Variants in PCDHGA6 observed in about 807,000 individuals in gnomAD.
PCDHGA6 encodes the protein protocadherin gamma subfamily A, 6.
Under a neutral mutation model 60.6 loss-of-function variants are expected in PCDHGA6, and 41 were observed. The ratio of observed to expected loss-of-function variants is 0.68; its 90% CI spans 0.53 to 0.88. PCDHGA6 has a LOEUF of 0.88. PCDHGA6 is among the 40% of genes least tolerant of loss of function. The pLI is 0.00. For synonymous variants in PCDHGA6, 594 were observed against 524.4 expected (o/e 1.13, Z -1.81); for missense variants, 1,312 against 1,203.0 (o/e 1.09, Z -1.34).
chr5:141,470,708 A>T (rs1293545270), intron 1 of PCDHGA6, among the ~76,000 whole-genome samples: 1 of 151,804 alleles, frequency 6.6e-6, no homozygotes. Flanking sequence ...TTTTTATTTT[A>T]TTTTTTTGAG....
At chr5:141,482,089 CAA>C (rs36035257) in intron 1 of PCDHGA6, among the ~76,000 whole-genome samples, 9,071 of 134,384 alleles carry the variant, frequency 0.068, 318 homozygotes, top group South Asian at 0.13. Context: ...CACTCCATCT[CAA>C]AAAAAAAAAA....
intron 1 of PCDHGA6, chr5:141,414,397 T>C: frequency 6.2e-7 from 1 of 1,613,920 alleles, no homozygotes; most frequent in Middle Eastern, 1.6e-4. Context: ...TTATTACAGA[T>C]TGGTGATACA....
intron 1 of PCDHGA6, among the ~76,000 whole-genome samples, chr5:141,484,170 A>G (rs962978452): frequency 6.6e-6 from 1 of 152,210 alleles, no homozygotes; most frequent in Non-Finnish European, 1.5e-5. Context: ...TTGGTAGCTG[A>G]TCTCAATCAT....
chr5:141,404,103 G>C lies in PCDHGA6; in HGVS notation c.2424+27596G>C, dbSNP rs773489391. 14 of 1,613,372 alleles carry C rather than the reference G, an allele frequency of 8.7e-6. No homozygotes were observed. In the East Asian group the frequency reaches 2.9e-4, roughly 33 times the overall value. On this transcript the variant is annotated intron_variant, in intron 1 of 3. Transcript: ENST00000517434. ...TCCGGGAAGAATGGTCAAGTTGTCT[G>C]TTCTATCCAGGAGAATCTATCTTTT...
At chr5:141,414,245 T>A in intron 1 of PCDHGA6, 2 of 1,613,498 alleles carry the variant, frequency 1.2e-6, no homozygotes, top group Non-Finnish European at 1.7e-6. Context: ...ACGTCTCTAT[T>A]TAGTCCAGTG....
Position 141,432,089 on chromosome 5 carries a change from G to A in PCDHGA6, c.2424+55582G>A, listed in dbSNP as rs1325165974. On this transcript the variant is annotated intron_variant, in intron 1 of 3. Transcript: ENST00000517434. The surrounding 1 kb of genome is among the most constrained non-coding windows in gnomAD (Gnocchi z 6.0). Reference sequence around the variant, plus strand: ...AACTCATATCTCGCTGAACGTGGCAGACACCAACGACAACCCGCCGGTCTT... The same window carrying A: ...AACTCATATCTCGCTGAACGTGGCAAACACCAACGACAACCCGCCGGTCTT... The A allele has an allele frequency of 6.2e-7, 1 of 1,614,046 alleles. No homozygotes were observed. Among genetic ancestry groups the A allele is most frequent in the Non-Finnish European group, 8.5e-7 (1 of 1,180,052 alleles).
intron 1 of PCDHGA6, chr5:141,409,281 C>A (rs1238898498): frequency 6.2e-7 from 1 of 1,613,874 alleles, no homozygotes; most frequent in Non-Finnish European, 8.5e-7. Flanking sequence ...TTGGAGAATT[C>A]ACCTCCAGGA....
At position 141,480,425 on chromosome 5, in the gene PCDHGA6, AT is replaced by A. The variant is rs553131122; in HGVS notation, c.2425-14380del. On this transcript the variant is annotated intron_variant, in intron 1 of 3. Transcript: ENST00000517434. ...GTGAGACCCTGTCTCAAAAAAAAAA[AT>A]TATCAGCTATTACTATAATTATTTT... 2.3e-4 allele frequency among the ~76,000 whole-genome samples: 34 copies of A among 149,340 alleles called. 1 individual carries two copies. In the South Asian group the frequency reaches 6.0e-3, roughly 26 times the overall value.
intron 1 of PCDHGA6, among the ~76,000 whole-genome samples, chr5:141,401,414 A>G (rs539285035): frequency 1.3e-5 from 2 of 152,350 alleles, no homozygotes; most frequent in African/African-American, 4.8e-5. Flanking sequence ...AGAGAAAGAG[A>G]GAGACTGATT....
In PCDHGA6 at chr5:141,476,218, C is replaced by G. The variant is rs1562052166; in HGVS notation, c.2425-18589C>G. On this transcript the variant is annotated intron_variant, in intron 1 of 3. Transcript: ENST00000517434. The surrounding 1 kb of genome is among the most constrained non-coding windows in gnomAD (Gnocchi z 7.6). ...TGAACAAGGCTTCCACGGTCATTCA[C>G]TATGAGATCCCGGAGGAAAGAGAGA... is the stretch of plus-strand genomic sequence containing the variant. 1 of 1,613,984 alleles carries G rather than the reference C, an allele frequency of 6.2e-7. No homozygotes were observed.
At chr5:141,389,160 G>C in intron 1 of PCDHGA6, 4 of 1,613,996 alleles carry the variant, frequency 2.5e-6, no homozygotes, top group Non-Finnish European at 3.4e-6. Flanking sequence ...AACAGATCGG[G>C]GCAAGCCTCC....
Position 141,477,912 on chromosome 5 carries a change from A to T in PCDHGA6, c.2425-16895A>T. The T allele has an allele frequency of 6.2e-7, 1 of 1,614,166 alleles. No individual in the cohort carries two copies. Among genetic ancestry groups the T allele is most frequent in the Non-Finnish European group, 8.5e-7 (1 of 1,180,022 alleles). ...TCACGGGTGGTAGGCTGGGACGCGGATGCAGGGCACAATGCCTGGCTCTCC... is the reference window on the plus strand; with the variant it reads ...TCACGGGTGGTAGGCTGGGACGCGGTTGCAGGGCACAATGCCTGGCTCTCC... On this transcript the variant is annotated intron_variant, in intron 1 of 3. Coordinates refer to ENST00000517434, the MANE Select transcript of PCDHGA6 (RefSeq NM_018919.3). This position sits in a 1 kb window ranked among gnomAD's most constrained non-coding sequence, Gnocchi z 4.9.
chr5:141,421,160 A>T, intron 1 of PCDHGA6: 1 of 1,250,104 alleles, frequency 8.0e-7, no homozygotes, highest in Non-Finnish European at 1.1e-6. Flanking sequence ...CTAGGACTTC[A>T]TAGATACATA....
Position 141,432,804 on chromosome 5 carries a change from C to T in PCDHGA6, c.2424+56297C>T, listed in dbSNP as rs1482036720. The T allele has an allele frequency of 1.2e-6, 2 of 1,614,182 alleles. No individual in the cohort carries two copies. Among genetic ancestry groups the T allele is most frequent in the Non-Finnish European group, 1.7e-6 (2 of 1,180,008 alleles). ...GACCTCGGCAGCCTCGAGTCTCCAG[C>T]TAACTCTGAAACCTCAGACCTCACT... is the stretch of plus-strand genomic sequence containing the variant. On this transcript the variant is annotated intron_variant, in intron 1 of 3. Transcript: ENST00000517434. This position sits in a 1 kb window ranked among gnomAD's most constrained non-coding sequence, Gnocchi z 6.0.
chr5:141,476,535 T>C lies in PCDHGA6; in HGVS notation c.2425-18272T>C. 5 of 1,614,038 alleles carry C rather than the reference T, an allele frequency of 3.1e-6. No individual in the cohort carries two copies. The highest frequency in any genetic ancestry group is 4.2e-6 in the Non-Finnish European group (5 of 1,180,010). On this transcript the variant is annotated intron_variant, in intron 1 of 3. Coordinates refer to ENST00000517434, the MANE Select transcript of PCDHGA6 (RefSeq NM_018919.3). The surrounding 1 kb of genome is among the most constrained non-coding windows in gnomAD (Gnocchi z 7.6). ...AATCCTGCTTTCCCTACCCAGGAAA[T>C]GAAATTGGAGATTAGCGAGGCCGTG...
At chr5:141,460,465 AAAGG>A (rs2098989932) in intron 1 of PCDHGA6, among the ~76,000 whole-genome samples, 1 of 152,088 alleles carries the variant, frequency 6.6e-6, no homozygotes, top group Non-Finnish European at 1.5e-5. Context: ...ATTTTTTTCC[AAAGG>A]AATATCCAAT....
chr5:141,384,217 A>G lies in PCDHGA6; in HGVS notation c.2424+7710A>G, dbSNP rs1026607669. 6 of 1,613,776 alleles carry G rather than the reference A, an allele frequency of 3.7e-6. No homozygotes were observed. The African/African-American group carries it at 8.0e-5, about 22-fold the overall frequency. On this transcript the variant is annotated intron_variant, in intron 1 of 3. Coordinates refer to ENST00000517434, the MANE Select transcript of PCDHGA6 (RefSeq NM_018919.3). The stretch of plus-strand genomic sequence containing the variant: ...CTTGTCCAGGGAAACTCACATATTC[A>G]TGCAGGTGGCAGACACCAACGATAA...
chr5:141,376,001 C>A lies in PCDHGA6; in HGVS notation c.1918C>A (p.Gln640Lys), dbSNP rs1554084237. The change falls in exon 1 of 4, where the codon CAG becomes AAG. Residue 640 changes from glutamine to lysine, a missense_variant. Physicochemically the swap from Gln to Lys is moderately conservative, Grantham distance 53. Transcript: ENST00000517434. ...CCTGCTGGACAGAGACGCGCTCAAGCAGAGCCTAGTGGTGGCCGTCCAGGA... is the reference window on the plus strand; with the variant it reads ...CCTGCTGGACAGAGACGCGCTCAAGAAGAGCCTAGTGGTGGCCGTCCAGGA... ...RALLDRDALK[Q>K]SLVVAVQDHG... 10 of 1,613,362 alleles carry A rather than the reference C, an allele frequency of 6.2e-6. No homozygotes were observed. The Admixed American group carries it at 1.7e-4, about 27-fold the overall frequency.
At position 141,485,683 on chromosome 5, in the gene PCDHGA6, T is replaced by C. The variant is rs2099617681; in HGVS notation, c.2425-9124T>C. ...TGGGGAGCAATTCGATTAGCAGCTA[T>C]AGGCTGAGCTCCAATGAACACTTTG... On this transcript the variant is annotated intron_variant, in intron 1 of 3. Coordinates refer to ENST00000517434, the MANE Select transcript of PCDHGA6 (RefSeq NM_018919.3). This position sits in a 1 kb window ranked among gnomAD's most constrained non-coding sequence, Gnocchi z 5.7. 3.7e-6 allele frequency: 6 copies of C among 1,614,042 alleles called. No individual in the cohort carries two copies. The South Asian group carries it at 4.4e-5, about 12-fold the overall frequency.
Sources: gnomAD v4.1 joint callset for allele counts (sites outside exome capture counted in the v4.1 genomes callset) on GRCh38, gnomAD v4.1.1 for gene constraint, Gnocchi (gnomAD v3.1) non-coding constraint, MANE v1.5 for transcripts, NCBI Gene and HGNC (gene_info 2026-07-23, HGNC 2026-07-21) for gene names.